The following PATJ variants were observed in gnomAD, a reference collection of about 807,000 sequenced individuals.
The protein encoded by PATJ is inaD-like protein.
PATJ carries 190 observed loss-of-function variants against 224.9 expected under a neutral mutation model. That is an observed-to-expected ratio of 0.84 (90% confidence interval 0.75 to 0.95). PATJ has a LOEUF of 0.95. Ranked by LOEUF, PATJ falls within the 40% of genes least tolerant of loss-of-function variation. PATJ has a pLI of 0.00. For missense variants in PATJ, 2,121 were observed against 2,270.3 expected (o/e 0.93, Z 1.34); for synonymous variants, 769 against 820.3 (o/e 0.94, Z 1.07).
At chr1:61,894,272 C>CAAAACA (rs1557835356) in intron 22 of PATJ, among the ~76,000 whole-genome samples, 3 of 144,588 alleles carry the variant, frequency 2.1e-5, no homozygotes, top group East Asian at 3.9e-4. Flanking sequence ...AAAAAAAACA[C>CAAAACA]AAAAAAAAAA....
intron 27 of PATJ, among the ~76,000 whole-genome samples, chr1:61,946,982 A>G (rs997105141): frequency 6.6e-6 from 1 of 152,204 alleles, no homozygotes; most frequent in Non-Finnish European, 1.5e-5. Context: ...GATTATCTCA[A>G]TAGATTCAGA....
rs748567653 is a variant in PATJ at position 61,884,291 on chromosome 1, TG to T, written c.3016del (p.Ala1006LeufsTer85). The T allele has an allele frequency of 6.2e-7, 1 of 1,613,706 alleles. No individual in the cohort carries two copies. Among genetic ancestry groups the T allele is most frequent in the Non-Finnish European group, 8.5e-7 (1 of 1,179,880 alleles). On this transcript the variant is annotated frameshift_variant, in exon 22 of 44. Coordinates refer to ENST00000642238, the MANE Select transcript of PATJ (RefSeq NM_001350145.3). LOFTEE classifies it high-confidence loss of function. ...GPSLLIDLPVVAQRREQEDLP... is the reference protein window; with the variant it reads ...GPSLLIDLPVXAQRREQEDLP... ...AGCTTGCTCATTGACCTTCCTGTTGTGGCTCAAAGGAGGGAGCAAGAAGATT... is the reference window on the plus strand; with the variant it reads ...AGCTTGCTCATTGACCTTCCTGTTGTGCTCAAAGGAGGGAGCAAGAAGATT...
chr1:61,773,393 T>G (rs1646727645), intron 6 of PATJ, among the ~76,000 whole-genome samples: 1 of 151,972 alleles, frequency 6.6e-6, no homozygotes, highest in South Asian at 2.1e-4. Context: ...ACTGGATGGG[T>G]ATGGTGGCTC....
intron 33 of PATJ, among the ~76,000 whole-genome samples, chr1:62,095,689 T>A (rs1164159344): frequency 6.6e-6 from 1 of 152,152 alleles, no homozygotes; most frequent in African/African-American, 2.4e-5. Context: ...TTTTTTTTTG[T>A]AAAGTATCAC....
intron 33 of PATJ, among the ~76,000 whole-genome samples, chr1:62,102,695 A>T (rs550585648): frequency 1.1e-4 from 17 of 152,026 alleles, no homozygotes; most frequent in African/African-American, 4.1e-4. Flanking sequence ...TCTACAAAAA[A>T]TACCGAAAAA....
intron 16 of PATJ, among the ~76,000 whole-genome samples, chr1:61,828,854 A>G (rs1557719323): frequency 6.6e-6 from 1 of 152,186 alleles, no homozygotes; most frequent in Non-Finnish European, 1.5e-5. Context: ...TATACATGAA[A>G]CTAATCCTGC....
At chr1:62,003,066 G>A (rs969332326) in intron 28 of PATJ, among the ~76,000 whole-genome samples, 1 of 152,210 alleles carries the variant, frequency 6.6e-6, no homozygotes, top group Non-Finnish European at 1.5e-5. Flanking sequence ...GAGTTAGGCT[G>A]TAATATCTCA....
chr1:61,787,398 T>C (rs780959723), intron 7 of PATJ, among the ~76,000 whole-genome samples: 1 of 152,250 alleles, frequency 6.6e-6, no homozygotes, highest in African/African-American at 2.4e-5. Flanking sequence ...AGTTTTATGC[T>C]GGAGGCTTCT....
intron 27 of PATJ, among the ~76,000 whole-genome samples, chr1:61,943,851 C>T (rs964191091): frequency 6.6e-6 from 1 of 152,158 alleles, no homozygotes; most frequent in African/African-American, 2.4e-5. Flanking sequence ...GGGTGACTGA[C>T]ACCTCATACG....
chr1:61,744,062 T>C (rs1448585123), intron 1 of PATJ, among the ~76,000 whole-genome samples: 1 of 152,176 alleles, frequency 6.6e-6, no homozygotes, highest in Admixed American at 6.5e-5. Context: ...ATGCCTGTTA[T>C]CTCAGCTACT....
At chr1:61,985,677 C>T (rs1480400984) in intron 27 of PATJ, among the ~76,000 whole-genome samples, 1 of 151,948 alleles carries the variant, frequency 6.6e-6, no homozygotes, top group Non-Finnish European at 1.5e-5. Context: ...TTCTCTGCAC[C>T]TGCAGATGTT....
At chr1:62,113,985 A>G in intron 34 of PATJ, 68 bp from the exon 35 acceptor site, 2 of 1,466,682 alleles carry the variant, frequency 1.4e-6, no homozygotes, top group Non-Finnish European at 1.9e-6. Context: ...GATCAAGGAG[A>G]TTCAGCAGAC....
chr1:62,023,290 C>CAAAA (rs10600520), intron 29 of PATJ, among the ~76,000 whole-genome samples: 2,913 of 104,932 alleles, frequency 0.028, 70 homozygotes, highest in African/African-American at 0.074. Context: ...AAGTCCATCT[C>CAAAA]AAAAAAAAAA....
intron 29 of PATJ, among the ~76,000 whole-genome samples, chr1:62,033,953 A>T (rs1287504897): frequency 6.6e-6 from 1 of 152,194 alleles, no homozygotes; most frequent in East Asian, 1.9e-4. Flanking sequence ...GAGCATGGCA[A>T]GTACAGCAAT....
chr1:62,116,571 C>T lies in PATJ; in HGVS notation c.4695C>T (p.Gly1565=), dbSNP rs781178639. 3.3e-5 allele frequency: 53 copies of T among 1,613,740 alleles called. No homozygotes were observed. In the Admixed American group the frequency reaches 3.8e-4, roughly 12 times the overall value. Reference sequence around the variant, plus strand: ...TGTTTATTTCTGACATCGTGAAAGGCGGAGCCGCAGACCTGGATGGGAGAT... The same window carrying T: ...TGTTTATTTCTGACATCGTGAAAGGTGGAGCCGCAGACCTGGATGGGAGAT... ...SGVFISDIVK[G]GAADLDGRLI... The change falls in exon 36 of 44, where the codon GGC becomes GGT. Residue 1565 remains glycine, a synonymous_variant. Transcript: ENST00000642238.
At chr1:62,014,645 C>T (rs1384491575) in intron 28 of PATJ, among the ~76,000 whole-genome samples, 2 of 144,630 alleles carry the variant, frequency 1.4e-5, no homozygotes, top group African/African-American at 5.2e-5. Context: ...TGCCTCACTG[C>T]AGCCTCAACC....
chr1:61,779,531 A>G (rs951800327), intron 7 of PATJ, among the ~76,000 whole-genome samples: 4 of 152,182 alleles, frequency 2.6e-5, no homozygotes, highest in African/African-American at 9.7e-5. Flanking sequence ...CTTTGCAGCA[A>G]CATCTAGATT....
At chr1:61,886,324 A>C (rs1417485202) in intron 22 of PATJ, among the ~76,000 whole-genome samples, 1 of 152,214 alleles carries the variant, frequency 6.6e-6, no homozygotes, top group South Asian at 2.1e-4. Context: ...ACATTTTAAC[A>C]AAAGTGTCCT....
In PATJ at chr1:61,797,144, G is replaced by A. The variant is rs1235708191; in HGVS notation, c.1261-143G>A. ...CCACCTTGACCTACCAAAGTGCTGG[G>A]ATTACAGGCGTGAGCCACCACACCC... On this transcript the variant is annotated intron_variant, in intron 10 of 43. Coordinates refer to ENST00000642238, the MANE Select transcript of PATJ (RefSeq NM_001350145.3). The A allele has an allele frequency of 1.5e-5, 13 of 880,394 alleles. No homozygotes were observed. The East Asian group carries it at 3.3e-4, about 22-fold the overall frequency. The allele number at this position is 880,394 out of a possible 1,614,324, so 54.5% of individuals were successfully genotyped here.
Sources: allele counts gnomAD v4.1 joint callset (sites outside exome capture counted in the v4.1 genomes callset), GRCh38; gene constraint gnomAD v4.1.1; transcripts MANE v1.5; gene names NCBI Gene and HGNC (gene_info 2026-07-23, HGNC 2026-07-21).